SHISA9: variants seen among roughly 807,000 people sequenced by gnomAD.
The protein encoded by SHISA9 is protein shisa-9.
SHISA9 carries 13 observed loss-of-function variants against 38.0 expected under a neutral mutation model. The observed-to-expected ratio is 0.34, with a 90% confidence interval of 0.22 to 0.54. The LOEUF (loss-of-function observed/expected upper bound fraction) is 0.54, where lower values mean the gene tolerates loss of function less well. Ranked by LOEUF, SHISA9 falls within the 20% of genes least tolerant of loss-of-function variation. The pLI is 0.91. For synonymous variants in SHISA9, 275 were observed against 242.0 expected (o/e 1.14, Z -1.27); for missense variants, 538 against 575.8 (o/e 0.93, Z 0.67).
At chr16:13,302,741 T>C in the SHISA9 span, among the ~76,000 whole-genome samples, 1 of 152,198 alleles carries the variant, frequency 6.6e-6, no homozygotes, top group Non-Finnish European at 1.5e-5. Flanking sequence ...TTTGACTCTG[T>C]GTCCCCACCC....
In SHISA9 at chr16:13,100,616, G is replaced by A. The variant is rs142611728; in HGVS notation, c.692-102778G>A. Among the ~76,000 whole-genome samples, 585 of 152,268 alleles carry A rather than the reference G, an allele frequency of 3.8e-3. 2 individuals carry two copies. The highest frequency in any genetic ancestry group is 5.5e-3 in the African/African-American group (228 of 41,564). On this transcript the variant is annotated intron_variant, in intron 2 of 4. Coordinates refer to ENST00000558583, the MANE Select transcript of SHISA9 (RefSeq NM_001145204.3). Reference sequence around the variant, plus strand: ...AGATTGAGAAGTTGACTCCTTGTTCGGGGCCTCCAGAAGTGTGCACTCCAG... The same window carrying A: ...AGATTGAGAAGTTGACTCCTTGTTCAGGGCCTCCAGAAGTGTGCACTCCAG...
chr16:13,193,606 A>G (rs2050908601), intron 2 of SHISA9, among the ~76,000 whole-genome samples: 1 of 152,206 alleles, frequency 6.6e-6, no homozygotes, highest in South Asian at 2.1e-4. Context: ...TTGGACTCCC[A>G]AAGTGCTGTG....
At chr16:13,449,808 C>G in the SHISA9 span, among the ~76,000 whole-genome samples, 1 of 152,150 alleles carries the variant, frequency 6.6e-6, no homozygotes, top group African/African-American at 2.4e-5. Flanking sequence ...CTCATTGTCT[C>G]TTTTCTACAA....
intron 2 of SHISA9, among the ~76,000 whole-genome samples, chr16:13,054,317 C>T (rs1016465045): frequency 1.3e-5 from 2 of 152,204 alleles, no homozygotes; most frequent in East Asian, 3.8e-4. Context: ...ACCTGTGGCT[C>T]CCACGGTCTG....
chr16:12,987,955 GC>G lies in SHISA9; in HGVS notation c.691+71141del, dbSNP rs568456041. Among the ~76,000 whole-genome samples, 408 of 152,310 alleles carry G rather than the reference GC, an allele frequency of 2.7e-3. 1 individual carries two copies. The highest frequency in any genetic ancestry group is 9.1e-3 in the African/African-American group (379 of 41,560). On this transcript the variant is annotated intron_variant, in intron 2 of 4. Coordinates refer to ENST00000558583, the MANE Select transcript of SHISA9 (RefSeq NM_001145204.3). ...AAGAAGCCATAATTCACCCCAGGGG[GC>G]TGGTCTCCAGTGTTCCTATTCTTGG...
the SHISA9 span, among the ~76,000 whole-genome samples, chr16:13,294,046 A>G: frequency 1.3e-5 from 2 of 152,200 alleles, no homozygotes; most frequent in African/African-American, 2.4e-5. Flanking sequence ...AAGCTACACA[A>G]GCAAGCCACA....
At chr16:13,090,332 G>A (rs1227116029) in intron 2 of SHISA9, among the ~76,000 whole-genome samples, 3 of 152,282 alleles carry the variant, frequency 2.0e-5, no homozygotes, top group Admixed American at 2.0e-4. Context: ...TTTTTGCAGA[G>A]CTGAGTTCAG....
At chr16:13,373,027 C>G in the SHISA9 span, among the ~76,000 whole-genome samples, 2 of 152,178 alleles carry the variant, frequency 1.3e-5, no homozygotes, top group South Asian at 4.2e-4. Flanking sequence ...TTCTTGCCCC[C>G]CTTGGAGGCC....
the SHISA9 span, among the ~76,000 whole-genome samples, chr16:13,316,718 CAT>C: frequency 2.0e-5 from 3 of 152,170 alleles, no homozygotes; most frequent in Non-Finnish European, 2.9e-5. Context: ...ATGTGGTAAA[CAT>C]GTGTCTGAAG....
At chr16:13,335,343 T>C in the SHISA9 span, among the ~76,000 whole-genome samples, 1 of 151,950 alleles carries the variant, frequency 6.6e-6, no homozygotes, top group Non-Finnish European at 1.5e-5. Context: ...ATAGATGGAG[T>C]AGGTTGTTTC....
At chr16:12,958,388 G>C (rs866965811) in intron 2 of SHISA9, among the ~76,000 whole-genome samples, 5 of 152,178 alleles carry the variant, frequency 3.3e-5, no homozygotes, top group African/African-American at 1.2e-4. Flanking sequence ...TAAAGTCTTA[G>C]AAGTAAAAAT....
intron 2 of SHISA9, among the ~76,000 whole-genome samples, chr16:13,143,536 C>T (rs1252928509): frequency 1.3e-5 from 2 of 152,200 alleles, no homozygotes; most frequent in East Asian, 3.9e-4. Flanking sequence ...ATCTGGTCAC[C>T]ATTTCCCTAC....
chr16:13,256,798 G>A, the SHISA9 span, among the ~76,000 whole-genome samples: 1 of 152,194 alleles, frequency 6.6e-6, no homozygotes. Context: ...TTTATAATAA[G>A]GGTTATTGAG....
intron 2 of SHISA9, among the ~76,000 whole-genome samples, chr16:13,006,985 C>G (rs1176869351): frequency 6.6e-6 from 1 of 152,188 alleles, no homozygotes; most frequent in African/African-American, 2.4e-5. Flanking sequence ...CTTCTGCATA[C>G]CTGCTGCCTC....
the SHISA9 span, among the ~76,000 whole-genome samples, chr16:13,253,638 T>A: frequency 6.6e-6 from 1 of 152,062 alleles, no homozygotes; most frequent in Admixed American, 6.6e-5. Flanking sequence ...GCAAAAACAG[T>A]ATGGAGGAAA....
chr16:13,434,339 C>G, the SHISA9 span, among the ~76,000 whole-genome samples: 10 of 151,946 alleles, frequency 6.6e-5, no homozygotes, highest in Non-Finnish European at 1.3e-4. Flanking sequence ...GCAGATGCAC[C>G]CAGGAACAAT....
At position 13,173,310 on chromosome 16, in the gene SHISA9, C is replaced by T. The variant is rs980244687; in HGVS notation, c.692-30084C>T. ...CCCAGAAGAACAAAACTCTTATATGCTTTGATATATATATATCCTATATAT... is the reference window on the plus strand; with the variant it reads ...CCCAGAAGAACAAAACTCTTATATGTTTTGATATATATATATCCTATATAT... On this transcript the variant is annotated intron_variant, in intron 2 of 4. Transcript: ENST00000558583. Among the ~76,000 whole-genome samples the T allele has an allele frequency of 3.4e-5, 5 of 148,812 alleles. No individual in the cohort carries two copies. The South Asian group carries it at 6.4e-4, about 19-fold the overall frequency.
the SHISA9 span, among the ~76,000 whole-genome samples, chr16:13,252,591 T>C: frequency 1.3e-5 from 2 of 152,238 alleles, no homozygotes; most frequent in Non-Finnish European, 2.9e-5. Context: ...TGAGGCCTGA[T>C]GCCCTGTTGA....
chr16:12,917,544 C>T (rs1442581571), intron 2 of SHISA9, among the ~76,000 whole-genome samples: 1 of 152,148 alleles, frequency 6.6e-6, no homozygotes, highest in Admixed American at 6.5e-5. Flanking sequence ...GATTTTCTTT[C>T]CTTTCAAAGG....
Sources: gnomAD v4.1 joint callset for allele counts (sites outside exome capture counted in the v4.1 genomes callset) on GRCh38, gnomAD v4.1.1 for gene constraint, MANE v1.5 for transcripts, NCBI Gene and HGNC (gene_info 2026-07-23, HGNC 2026-07-21) for gene names.